ZNF117: variants seen among roughly 807,000 people sequenced by gnomAD.
ZNF117 encodes the protein Krueppel-related zinc finger protein.
In ZNF117, 37 loss-of-function variants were observed where a neutral mutation model predicts 41.2. That is an observed-to-expected ratio of 0.90 (90% confidence interval 0.69 to 1.18). The LOEUF is 1.18. Ranked by LOEUF, ZNF117 falls within the 50% of genes most tolerant of loss-of-function variation. The pLI is 0.00. For synonymous variants in ZNF117, 186 were observed against 186.6 expected (o/e 1.00, Z 0.02); for missense variants, 546 against 557.5 (o/e 0.98, Z 0.21).
At chr7:64,978,581 C>G (rs1166501722) in exon 3 of ZNF117, 1 of 1,612,772 alleles carries the variant, frequency 6.2e-7, no homozygotes, top group Non-Finnish European at 8.5e-7. Flanking sequence ...TGTAGGGTTT[C>G]TCTCCAGTAT....
At chr7:64,974,987 AAT>A (rs1491146064) in exon 3 of ZNF117, 1 of 139,754 alleles carries the variant, frequency 7.2e-6, no homozygotes, top group Non-Finnish European at 1.6e-5. Context: ...AGTTAAGAAA[AAT>A]ATGTTTAAAT....
At chr7:64,985,037 C>T (rs933476928), upstream of ZNF117, among the ~76,000 whole-genome samples, 3 of 151,672 alleles carry the variant, frequency 2.0e-5, no homozygotes, top group South Asian at 4.2e-4. Flanking sequence ...GGTGATCCAC[C>T]CACCTTGGCA....
At chr7:64,978,214 C>T (rs1785933221) in exon 3 of ZNF117, 2 of 1,612,954 alleles carry the variant, frequency 1.2e-6, no homozygotes, top group Non-Finnish European at 1.7e-6. Flanking sequence ...TGGTTAAAAG[C>T]TTTGCCACAT....
exon 1 of ZNF117, chr7:64,990,345 G>A (rs910398220): frequency 8.4e-5 from 14 of 166,256 alleles, no homozygotes; most frequent in East Asian, 7.7e-4. Context: ...TCAGGAGGCC[G>A]GAGAGATCAC....
exon 1 of ZNF117, chr7:64,990,036 C>T (rs540793067): frequency 1.3e-5 from 2 of 152,262 alleles, no homozygotes; most frequent in Admixed American, 6.5e-5. Flanking sequence ...CATGCCACTG[C>T]ACTCCATCCT....
upstream of ZNF117, among the ~76,000 whole-genome samples, chr7:64,983,851 C>CT (rs1786083091): frequency 6.6e-6 from 1 of 152,170 alleles, no homozygotes; most frequent in Non-Finnish European, 1.5e-5. Flanking sequence ...AGCTCTCACT[C>CT]TGAGAAAAAT....
exon 3 of ZNF117, chr7:64,978,862 T>C: frequency 6.2e-7 from 1 of 1,613,710 alleles, no homozygotes; most frequent in Non-Finnish European, 8.5e-7. Flanking sequence ...TTATGTTCAG[T>C]AAGCTTTGAG....
chr7:64,983,762 C>T (rs993011408), upstream of ZNF117, among the ~76,000 whole-genome samples: 2 of 152,218 alleles, frequency 1.3e-5, no homozygotes, highest in Non-Finnish European at 2.9e-5. Flanking sequence ...AGCTCTGTGA[C>T]AGCCCACCTC....
At chr7:64,988,528 T>C (rs1786183047) in intron 1 of ZNF117, among the ~76,000 whole-genome samples, 1 of 152,176 alleles carries the variant, frequency 6.6e-6, no homozygotes, top group Non-Finnish European at 1.5e-5. Flanking sequence ...CATTTCTCCA[T>C]GAAAACTGGC....
chr7:64,977,704 TGAAA>T (rs1198683556), exon 3 of ZNF117: 1 of 847,864 alleles, frequency 1.2e-6, no homozygotes, highest in Non-Finnish European at 1.9e-6. Context: ...ACGTATAGGT[TGAAA>T]GCTTTGCCAC....
chr7:64,981,574 AT>A (rs1346798227), intron 1 of ZNF117, 92 bp from the exon 3 acceptor site: 3 of 1,055,082 alleles, frequency 2.8e-6, no homozygotes, highest in Non-Finnish European at 4.1e-6. Flanking sequence ...GCAATAGAAT[AT>A]TCTAGTAAAT....
In ZNF117 at chr7:64,978,773, T is replaced by G. The variant is rs776025829; in HGVS notation, c.798A>C (p.Glu266Asp). 1.2e-6 allele frequency: 2 copies of G among 1,613,322 alleles called. No individual in the cohort carries two copies. The highest frequency in any genetic ancestry group is 2.7e-5 in the African/African-American group (2 of 74,898). ...TCTCTCCAGTATGAATGTACTTATG[T>G]TCAGTAAGTTTTGAGGATCGGTTAA... is the stretch of plus-strand genomic sequence containing the variant. Residue 266 changes from glutamate to aspartate, a missense_variant, in exon 3 of 3, where the codon GAA becomes GAC. Transcript: ENST00000620222.
In ZNF117 at chr7:64,978,817, C is replaced by A; in HGVS notation, c.754G>T (p.Glu252Ter). 6.2e-7 allele frequency: 1 copy of A among 1,613,416 alleles called. No individual in the cohort carries two copies. The highest frequency in any genetic ancestry group is 8.5e-7 in the Non-Finnish European group (1 of 1,179,690). ...CGGTTAAAAGCTTTGCCGCATTCTTCACATTCATAACGTTTCTCTCCGGTA... is the reference window on the plus strand; with the variant it reads ...CGGTTAAAAGCTTTGCCGCATTCTTAACATTCATAACGTTTCTCTCCGGTA... Residue 252 changes from glutamate to a stop codon, truncating the protein, a stop_gained, in exon 3 of 3, where the codon GAA becomes TAA. Transcript: ENST00000620222. LOFTEE classifies it high-confidence loss of function.
exon 3 of ZNF117, chr7:64,978,037 G>A (rs1329466276): frequency 2.1e-6 from 3 of 1,428,682 alleles, no homozygotes; most frequent in Non-Finnish European, 2.9e-6. Context: ...GTTGAGAAAT[G>A]GTTAGAAGTT....
At chr7:64,988,884 C>G (rs1014098242) in intron 1 of ZNF117, among the ~76,000 whole-genome samples, 2 of 152,036 alleles carry the variant, frequency 1.3e-5, no homozygotes, top group East Asian at 3.9e-4. Context: ...ATACAGCTAA[C>G]CAGGGAGGTG....
At chr7:64,981,453 T>C (rs756228866) in exon 2 of ZNF117, 1 of 1,611,354 alleles carries the variant, frequency 6.2e-7, no homozygotes, top group African/African-American at 1.3e-5. Flanking sequence ...TCCAGACAGG[T>C]AATCAGGTCT....
At chr7:64,976,495 G>A (rs987735998) in exon 3 of ZNF117, 5 of 157,632 alleles carry the variant, frequency 3.2e-5, no homozygotes, top group Non-Finnish European at 6.9e-5. Context: ...CTTTTATAAT[G>A]CTTTTATTAA....
chr7:64,976,652 G>T, exon 3 of ZNF117: 1 of 270,798 alleles, frequency 3.7e-6, no homozygotes, highest in Admixed American at 5.1e-5. Flanking sequence ...ACTTCTGGGA[G>T]TTTCCTCCAG....
Position 64,978,487 on chromosome 7 carries a change from T to A in ZNF117, c.1084A>T (p.Lys362Ter). The A allele has an allele frequency of 6.2e-7, 1 of 1,613,530 alleles. No individual in the cohort carries two copies. Among genetic ancestry groups the A allele is most frequent in the East Asian group, 2.2e-5 (1 of 44,850 alleles). Residue 362 changes from lysine to a stop codon, truncating the protein, a stop_gained, in exon 3 of 3, where the codon AAA becomes TAA. Transcript: ENST00000620222. LOFTEE classifies it high-confidence loss of function. ...AAGGCTTTGCCACATTCTCCACATT[T>A]GTAGGGTTTCTCTCCAGTATGAATT...
Sources: gnomAD v4.1 joint callset for allele counts (sites outside exome capture counted in the v4.1 genomes callset) on GRCh38, gnomAD v4.1.1 for gene constraint, MANE v1.5 for transcripts, NCBI Gene and HGNC (gene_info 2026-07-23, HGNC 2026-07-21) for gene names.